Variants in RAB9B observed in about 807,000 individuals in gnomAD.
RAB9B encodes ras-related protein Rab-9B.
In RAB9B, 1 loss-of-function variant was observed where a neutral mutation model predicts 8.9. That is an observed-to-expected ratio of 0.11 (90% confidence interval 0.04 to 0.53). The LOEUF (loss-of-function observed/expected upper bound fraction) is 0.53. Ranked by LOEUF, RAB9B falls within the 20% of genes least tolerant of loss-of-function variation. The pLI is 0.93. For synonymous variants in RAB9B, 63 were observed against 57.0 expected (o/e 1.10, Z -0.47); for missense variants, 82 against 152.9 (o/e 0.54, Z 2.45).
chrX:103,776,333 G>A, the RAB9B span, among the ~76,000 whole-genome samples: 1 of 107,518 alleles, frequency 9.3e-6, no homozygotes, highest in African/African-American at 3.4e-5. Context: ...TATTGTGTTC[G>A]TAGAGCTGGG....
At chrX:103,813,759 A>C in the RAB9B span, among the ~76,000 whole-genome samples, 2 of 101,114 alleles carry the variant, frequency 2.0e-5, no homozygotes, top group African/African-American at 7.3e-5. Flanking sequence ...AAAAAAAAAA[A>C]AAAAAAAAAA....
rs748074837 is a variant in RAB9B, at chrX:103,824,777, G to C, written c.*402C>G. The C allele has an allele frequency of 8.8e-6, 1 of 113,114 alleles. No homozygotes were observed. The highest frequency in any genetic ancestry group is 3.3e-5 in the African/African-American group (1 of 30,606). 9.3% of individuals were successfully genotyped at this position (113,114 alleles called of 1,213,427 possible). On this transcript the variant is annotated 3_prime_UTR_variant, in exon 3 of 3. Transcript: ENST00000243298. ...TGGCAGAAATGTCAGAAACTGCTTG[G>C]CAAGAGTCTGATAGTGACATTTGTT...
chrX:103,797,800 C>T, the RAB9B span, among the ~76,000 whole-genome samples: 4 of 53 alleles, frequency 0.075, no homozygotes, highest in Non-Finnish European at 0.11. Context: ...TTCAGGTTCA[C>T]ATTTGTCATA....
the RAB9B span, among the ~76,000 whole-genome samples, chrX:103,802,651 C>G: frequency 3.6e-5 from 4 of 111,765 alleles, no homozygotes; most frequent in Non-Finnish European, 3.8e-5. Flanking sequence ...TACTTTTTTA[C>G]AACTTTATGG....
chrX:103,815,791 A>T, the RAB9B span, among the ~76,000 whole-genome samples: 2 of 111,982 alleles, frequency 1.8e-5, no homozygotes, highest in Admixed American at 1.9e-4. Flanking sequence ...CACCAATAAC[A>T]GACAAACAGA....
chrX:103,816,349 A>G, the RAB9B span, among the ~76,000 whole-genome samples: 6 of 112,205 alleles, frequency 5.3e-5, no homozygotes, highest in East Asian at 1.4e-3. Flanking sequence ...CCTATTTAAT[A>G]AATGGTGCTG....
At chrX:103,789,407 A>G in the RAB9B span, 31 of 1,179,511 alleles carry the variant, frequency 2.6e-5, no homozygotes, top group Non-Finnish European at 3.3e-5. Flanking sequence ...TGGTGAGTTG[A>G]CTTTGAATGA....
At chrX:103,810,698 T>C in the RAB9B span, among the ~76,000 whole-genome samples, 1 of 111,787 alleles carries the variant, frequency 8.9e-6, no homozygotes, top group Non-Finnish European at 1.9e-5. Flanking sequence ...GTAATCATTC[T>C]CTAACCCAAA....
At chrX:103,798,447 C>T in the RAB9B span, among the ~76,000 whole-genome samples, 1 of 110,926 alleles carries the variant, frequency 9.0e-6, no homozygotes, top group Admixed American at 9.6e-5. Flanking sequence ...GCCCTTGGCT[C>T]GAATGGATGT....
At position 103,823,412 on chromosome X, in the gene RAB9B, T is replaced by A. The variant is rs1178800440; in HGVS notation, c.*1767A>T. On this transcript the variant is annotated 3_prime_UTR_variant, in exon 3 of 3. Transcript: ENST00000243298. ...GAGTTGAAATACTGTCCTCTTCTTT[T>A]CTATTTGGCCAATATGTCCCAGAGC... 1.8e-5 allele frequency: 2 copies of A among 111,801 alleles called. No individual in the cohort carries two copies. Among genetic ancestry groups the A allele is most frequent in the Non-Finnish European group, 3.8e-5 (2 of 53,200 alleles). The allele number at this position is 111,801 out of a possible 1,213,427, so 9.2% of individuals were successfully genotyped here. A position where few individuals can be genotyped will look rare whatever the true frequency, so the allele number is the denominator to read the frequency against.
At chrX:103,799,832 T>A in the RAB9B span, among the ~76,000 whole-genome samples, 208 of 111,917 alleles carry the variant, frequency 1.9e-3, 2 homozygotes, top group East Asian at 0.022. Context: ...TCCACACAGA[T>A]GAAGACATAT....
the RAB9B span, among the ~76,000 whole-genome samples, chrX:103,804,121 T>C: frequency 0.23 from 25,738 of 111,561 alleles, 2,408 homozygotes; most frequent in Admixed American, 0.32. Context: ...AAGAGTTTTA[T>C]AGTTTTAACA....
At chrX:103,784,587 C>T in the RAB9B span, among the ~76,000 whole-genome samples, 1 of 111,989 alleles carries the variant, frequency 8.9e-6, no homozygotes, top group Non-Finnish European at 1.9e-5. Context: ...GCAACAAATA[C>T]ACACGATGCT....
At chrX:103,792,134 T>C in the RAB9B span, 1 of 110,591 alleles carries the variant, frequency 9.0e-6, no homozygotes, top group Non-Finnish European at 1.9e-5. Flanking sequence ...AAAAAAAAAG[T>C]CTGATTGGTT....
the RAB9B span, chrX:103,780,053 T>G: frequency 5.3e-5 from 6 of 112,970 alleles, no homozygotes; most frequent in African/African-American, 1.9e-4. Context: ...GTGCCAAACT[T>G]ACATCAAAAG....
the RAB9B span, among the ~76,000 whole-genome samples, chrX:103,807,020 G>A: frequency 8.9e-6 from 1 of 112,042 alleles, no homozygotes; most frequent in South Asian, 3.7e-4. Flanking sequence ...GTGGCCCAAA[G>A]CCTGCCTTAT....
At chrX:103,803,108 G>A in the RAB9B span, among the ~76,000 whole-genome samples, 4 of 112,029 alleles carry the variant, frequency 3.6e-5, no homozygotes, top group African/African-American at 1.3e-4. Context: ...CAGTTAATGA[G>A]CATTTGGGGT....
the RAB9B span, among the ~76,000 whole-genome samples, chrX:103,794,454 G>T: frequency 1.8e-5 from 2 of 111,740 alleles, no homozygotes; most frequent in Non-Finnish European, 3.8e-5. Flanking sequence ...GAGGGCACAT[G>T]AATCAAGATT....
the RAB9B span, among the ~76,000 whole-genome samples, chrX:103,813,480 T>C: frequency 9.1e-6 from 1 of 110,071 alleles, no homozygotes; most frequent in Non-Finnish European, 1.9e-5. Flanking sequence ...TCGTTTGTTT[T>C]TGAGACAGAG....
Sources: gnomAD v4.1 joint callset for allele counts (sites outside exome capture counted in the v4.1 genomes callset) on GRCh38, gnomAD v4.1.1 for gene constraint, MANE v1.5 for transcripts, NCBI Gene and HGNC (gene_info 2026-07-23, HGNC 2026-07-21) for gene names.